CTNND2: variants seen among roughly 807,000 people sequenced by gnomAD.
CTNND2 encodes catenin delta-2.
CTNND2 carries 22 observed loss-of-function variants against 144.4 expected under a neutral mutation model. That is an observed-to-expected ratio of 0.15 (90% CI 0.11 to 0.22). The LOEUF is 0.22. Among genes scored for constraint, CTNND2 ranks in the 10% least tolerant of loss-of-function variants. The pLI, the probability that CTNND2 is intolerant of heterozygous loss-of-function variation, is 1.00. For synonymous variants in CTNND2, 751 were observed against 695.6 expected (o/e 1.08, Z -1.25); for missense variants, 1,353 against 1,618.8 (o/e 0.84, Z 2.82).
At chr5:11,246,835 A>C (rs1176219869) in intron 9 of CTNND2, among the ~76,000 whole-genome samples, 3 of 152,022 alleles carry the variant, frequency 2.0e-5, no homozygotes, top group African/African-American at 7.3e-5. Context: ...AACGGAAGTA[A>C]CAAGCCTCTG....
chr5:11,454,188 G>A (rs1487479547), intron 3 of CTNND2, among the ~76,000 whole-genome samples: 2 of 152,166 alleles, frequency 1.3e-5, no homozygotes, highest in East Asian at 1.9e-4. Context: ...TGGAGAGGCC[G>A]AGGCGGGCGA....
At chr5:11,586,278 T>C (rs2150136869) in intron 2 of CTNND2, among the ~76,000 whole-genome samples, 1 of 152,282 alleles carries the variant, frequency 6.6e-6, no homozygotes, top group Non-Finnish European at 1.5e-5. Flanking sequence ...GCACAGCAAT[T>C]ACTTTACTAC....
chr5:11,719,876 A>C (rs10066243), intron 2 of CTNND2, among the ~76,000 whole-genome samples: 49 of 144,302 alleles, frequency 3.4e-4, no homozygotes, highest in African/African-American at 1.2e-3. Context: ...ACACACACAC[A>C]CCACAGATCC....
intron 3 of CTNND2, among the ~76,000 whole-genome samples, chr5:11,535,436 C>T (rs757441988): frequency 3.3e-5 from 5 of 152,032 alleles, no homozygotes; most frequent in Non-Finnish European, 4.4e-5. Context: ...TGTTTGCTTC[C>T]GTATATAATT....
intron 2 of CTNND2, among the ~76,000 whole-genome samples, chr5:11,670,513 T>G (rs1783825231): frequency 6.6e-6 from 1 of 152,232 alleles, no homozygotes; most frequent in Non-Finnish European, 1.5e-5. Context: ...ATGTCCTCCT[T>G]TGTCTCTTTT....
At chr5:11,233,071 A>G (rs1289103927) in intron 10 of CTNND2, among the ~76,000 whole-genome samples, 1 of 152,158 alleles carries the variant, frequency 6.6e-6, no homozygotes, top group Non-Finnish European at 1.5e-5. Flanking sequence ...CTCCCCAGCC[A>G]TGCAGAACCG....
chr5:11,524,153 C>T (rs1348565191), intron 3 of CTNND2, among the ~76,000 whole-genome samples: 1 of 152,062 alleles, frequency 6.6e-6, no homozygotes, highest in African/African-American at 2.4e-5. Flanking sequence ...ATCTGTGATC[C>T]CCTCACTGCA....
chr5:10,992,882 G>A (rs1396692971), intron 18 of CTNND2, among the ~76,000 whole-genome samples: 1 of 152,174 alleles, frequency 6.6e-6, no homozygotes, highest in Non-Finnish European at 1.5e-5. Flanking sequence ...AGCCTGGCGG[G>A]TAGGGCCTGC....
chr5:11,139,499 TG>T (rs1464950796), intron 12 of CTNND2, among the ~76,000 whole-genome samples: 1 of 152,178 alleles, frequency 6.6e-6, no homozygotes, highest in African/African-American at 2.4e-5. Flanking sequence ...TCATCATGGG[TG>T]TGATGTTTAT....
intron 1 of CTNND2, among the ~76,000 whole-genome samples, chr5:11,787,246 G>C (rs549455039): frequency 4.6e-5 from 7 of 152,106 alleles, no homozygotes; most frequent in African/African-American, 1.7e-4. Context: ...AAACTGTTAC[G>C]CATGTGCACA....
chr5:11,062,810 C>T (rs193289591), intron 16 of CTNND2, among the ~76,000 whole-genome samples: 15 of 152,328 alleles, frequency 9.8e-5, no homozygotes, highest in South Asian at 4.1e-4. Context: ...GCCTGAAAAA[C>T]GTGCTTGCAT....
rs1752404420 is a variant in CTNND2, at chr5:11,325,087, T to C, written c.1628+21285A>G. Among the ~76,000 whole-genome samples the C allele has an allele frequency of 3.9e-5, 6 of 152,124 alleles. No individual in the cohort carries two copies. The South Asian group carries it at 1.2e-3, about 31-fold the overall frequency. ...ATTTCCTTTCTTGTTTCTGAGAAAC[T>C]GGTTCAAAGGTCAAGCCTAATGGAA... On this transcript the variant is annotated intron_variant, in intron 9 of 21. Transcript: ENST00000304623.
At chr5:11,634,359 C>A (rs1210834500) in intron 2 of CTNND2, among the ~76,000 whole-genome samples, 1 of 152,130 alleles carries the variant, frequency 6.6e-6, no homozygotes, top group South Asian at 2.1e-4. Context: ...TGGGGATTCA[C>A]AGTTGAGAAT....
At position 11,233,170 on chromosome 5, in the gene CTNND2, A is replaced by G. The variant is rs182288134; in HGVS notation, c.1761+3521T>C. Reference sequence around the variant, plus strand: ...TGAGAATGGACTAATACAGAGGGGAACTGAGGAGATGGTCTTAAATCCAAG... The same window carrying G: ...TGAGAATGGACTAATACAGAGGGGAGCTGAGGAGATGGTCTTAAATCCAAG... On this transcript the variant is annotated intron_variant, in intron 10 of 21. Coordinates refer to ENST00000304623, the MANE Select transcript of CTNND2 (RefSeq NM_001332.4). 1.6e-3 allele frequency among the ~76,000 whole-genome samples: 245 copies of G among 152,310 alleles called. 1 individual carries two copies. The highest frequency in any genetic ancestry group is 2.6e-3 in the Non-Finnish European group (178 of 68,030).
intron 1 of CTNND2, among the ~76,000 whole-genome samples, chr5:11,757,597 A>G (rs1038947669): frequency 3.4e-4 from 52 of 151,998 alleles, no homozygotes; most frequent in African/African-American, 1.2e-3. Flanking sequence ...ATGCCAAATT[A>G]CATGCCCTTT....
intron 3 of CTNND2, among the ~76,000 whole-genome samples, chr5:11,541,367 C>A (rs191639217): frequency 3.5e-4 from 54 of 152,254 alleles, no homozygotes; most frequent in African/African-American, 1.3e-3. Flanking sequence ...AGGTAAATAG[C>A]CATAAAGAAA....
At chr5:11,436,092 G>A (rs1053165347) in intron 3 of CTNND2, among the ~76,000 whole-genome samples, 37 of 152,150 alleles carry the variant, frequency 2.4e-4, no homozygotes, top group South Asian at 4.2e-4. Flanking sequence ...CTTCCTGAGC[G>A]CTTGCTCTCG....
At chr5:11,714,587 T>C (rs2126701764) in intron 2 of CTNND2, among the ~76,000 whole-genome samples, 1 of 152,278 alleles carries the variant, frequency 6.6e-6, no homozygotes, top group Admixed American at 6.5e-5. Context: ...TTGAGGATGA[T>C]ACAATCTTCC....
At chr5:11,306,517 T>C (rs1750222553) in intron 9 of CTNND2, among the ~76,000 whole-genome samples, 1 of 152,204 alleles carries the variant, frequency 6.6e-6, no homozygotes, top group African/African-American at 2.4e-5. Context: ...GTTGAAAAGA[T>C]ACTGAAATCA....
Sources: gnomAD v4.1 joint callset for allele counts (sites outside exome capture counted in the v4.1 genomes callset) on GRCh38, gnomAD v4.1.1 for gene constraint, MANE v1.5 for transcripts, NCBI Gene and HGNC (gene_info 2026-07-23, HGNC 2026-07-21) for gene names.